GPATCH2L: variants seen among roughly 807,000 people sequenced by gnomAD.
The protein encoded by GPATCH2L is G patch domain-containing protein 2-like.
GPATCH2L carries 31 observed loss-of-function variants against 57.4 expected under a neutral mutation model. The observed-to-expected ratio is 0.54, with a 90% CI of 0.41 to 0.73. GPATCH2L has a LOEUF of 0.73. Ranked by LOEUF, GPATCH2L falls within the 30% of genes least tolerant of loss-of-function variation. The pLI, the probability that GPATCH2L is intolerant of heterozygous loss-of-function variation, is 0.00. For missense variants in GPATCH2L, 481 were observed against 599.9 expected, an observed-to-expected ratio of 0.80 and a Z score of 2.07; for synonymous variants, 199 against 210.7, an observed-to-expected ratio of 0.94 and a Z score of 0.48.
chr14:76,196,406 T>C (rs913543998), intron 9 of GPATCH2L: 2 of 239,942 alleles, frequency 8.3e-6, no homozygotes, highest in African/African-American at 4.5e-5. Context: ...CATTCCTAAT[T>C]AAAAACAATT....
intron 1 of GPATCH2L, among the ~76,000 whole-genome samples, chr14:76,225,642 A>G (rs1380538833): frequency 2.0e-5 from 3 of 152,200 alleles, no homozygotes; most frequent in Non-Finnish European, 2.9e-5. Flanking sequence ...GAAATGTTCT[A>G]TTTATCAAAA....
intron 8 of GPATCH2L, 141 bp from the exon 9 acceptor site, chr14:76,195,737 T>A: frequency 1.5e-6 from 1 of 668,586 alleles, no homozygotes; most frequent in Non-Finnish European, 2.7e-6. Flanking sequence ...TGAATAATGT[T>A]GTCCCAATGC....
At chr14:76,155,381 G>A (rs1482077684) in intron 2 of GPATCH2L, among the ~76,000 whole-genome samples, 1 of 152,174 alleles carries the variant, frequency 6.6e-6, no homozygotes, top group Non-Finnish European at 1.5e-5. Flanking sequence ...AGAGGCTGGT[G>A]TGTGTGTGTG....
At chr14:76,182,412 T>C (rs969841818) in intron 8 of GPATCH2L, among the ~76,000 whole-genome samples, 4 of 122,070 alleles carry the variant, frequency 3.3e-5, no homozygotes, top group African/African-American at 1.0e-4. Flanking sequence ...GAGACCTTGT[T>C]TCTACAAAAT....
chr14:76,173,228 G>A (rs983494859), intron 4 of GPATCH2L, among the ~76,000 whole-genome samples: 3 of 152,028 alleles, frequency 2.0e-5, no homozygotes, highest in Admixed American at 2.0e-4. Context: ...TTATGTTTGT[G>A]TGGTGTTTTC....
At chr14:76,180,732 C>A in intron 7 of GPATCH2L, 32 bp from the exon 8 acceptor site, 7 of 1,401,526 alleles carry the variant, frequency 5.0e-6, no homozygotes, top group Non-Finnish European at 6.1e-6. Flanking sequence ...TTCATGTAAG[C>A]CTTACTAAAA....
rs1321194145 is a variant in GPATCH2L at position 76,179,300 on chromosome 14, G to GAAATAT, written c.1107+1260_1107+1265dup. ...ATGGTATCAAGCCTGTTATTTCACGGAAATATAGTAAGGACAAAGCTGAGC... is the reference window on the plus strand; with the variant it reads ...ATGGTATCAAGCCTGTTATTTCACGGAAATATAAATATAGTAAGGACAAAGCTGAGC... On this transcript the variant is annotated intron_variant, in intron 7 of 9. Coordinates refer to ENST00000261530, the MANE Select transcript of GPATCH2L (RefSeq NM_017926.4). 1.6e-4 allele frequency: 25 copies of GAAATAT among 152,316 alleles called. No homozygotes were observed. The East Asian group carries it at 3.7e-3, about 22-fold the overall frequency. The allele number at this position is 152,316 out of a possible 1,614,324, so 9.4% of individuals were successfully genotyped here. A position where few individuals can be genotyped will look rare whatever the true frequency, so the allele number is the denominator to read the frequency against.
Position 76,225,272 on chromosome 14 carries a change from A to T in GPATCH2L, c.66-4536A>T, listed in dbSNP as rs149029616. On this transcript the variant is annotated intron_variant and NMD_transcript_variant, in intron 1 of 3. Transcript: ENST00000556372. Reference sequence around the variant, plus strand: ...TATTGGTGCAAGAATAAACAAATAAAACAGTGAAACAGAACAGAGTCTAGA... The same window carrying T: ...TATTGGTGCAAGAATAAACAAATAATACAGTGAAACAGAACAGAGTCTAGA... Among the ~76,000 whole-genome samples the T allele has an allele frequency of 3.9e-3, 589 of 152,320 alleles. 2 individuals are homozygous for T. The highest frequency in any genetic ancestry group is 0.014 in the African/African-American group (565 of 41,578).
At chr14:76,187,519 G>A (rs1230523645) in intron 8 of GPATCH2L, among the ~76,000 whole-genome samples, 26 of 152,084 alleles carry the variant, frequency 1.7e-4, no homozygotes, top group Admixed American at 1.4e-3. Context: ...GGTGTTACTT[G>A]TGTTAAAGAA....
Position 76,165,882 on chromosome 14 carries a change from A to AT in GPATCH2L, c.663-776dup, listed in dbSNP as rs964363783. ...ATCTTCTAGAGTAGGTGAAAAAAAA[A>AT]TTTTTGACTCTCTTGGAAGGAAATA... is the stretch of plus-strand genomic sequence containing the variant. On this transcript the variant is annotated intron_variant, in intron 2 of 9. Transcript: ENST00000261530. Among the ~76,000 whole-genome samples the AT allele has an allele frequency of 2.6e-5, 4 of 152,180 alleles. No individual in the cohort carries two copies. In the East Asian group the frequency reaches 7.7e-4, roughly 29 times the overall value.
rs1401467494 is a variant in GPATCH2L at position 76,195,865 on chromosome 14, C to T, written c.1194-13C>T. 3 of 1,599,332 alleles carry T rather than the reference C, an allele frequency of 1.9e-6. No homozygotes were observed. The highest frequency in any genetic ancestry group is 2.2e-5 in the East Asian group (1 of 44,826). ...AAAAGTTCAAACCATTTTTCTTCTTCTTACATCTGCAGACAGGCAAATGTA... is the reference window on the plus strand; with the variant it reads ...AAAAGTTCAAACCATTTTTCTTCTTTTTACATCTGCAGACAGGCAAATGTA... On this transcript the variant is annotated splice_polypyrimidine_tract_variant and intron_variant, in intron 8 of 9. Transcript: ENST00000261530.
At chr14:76,190,559 A>G (rs2039928868) in intron 8 of GPATCH2L, among the ~76,000 whole-genome samples, 1 of 152,126 alleles carries the variant, frequency 6.6e-6, no homozygotes, top group South Asian at 2.1e-4. Context: ...ATCAGATGAA[A>G]CAGAACAGGC....
chr14:76,201,892 T>G lies in GPATCH2L; in HGVS notation c.*41T>G. ...CCTCCAGGAGCTGACTGGGTGTTGC[T>G]GAAGCAAATGTTGGACTTTGTGTTA... On this transcript the variant is annotated 3_prime_UTR_variant, in exon 10 of 10. Coordinates refer to ENST00000261530, the MANE Select transcript of GPATCH2L (RefSeq NM_017926.4). The G allele has an allele frequency of 6.4e-7, 1 of 1,566,544 alleles. No individual in the cohort carries two copies. Among genetic ancestry groups the G allele is most frequent in the Non-Finnish European group, 8.7e-7 (1 of 1,146,494 alleles).
At position 76,203,773 on chromosome 14, in the gene GPATCH2L, T is replaced by G. The variant is rs545217095; in HGVS notation, c.*1922T>G. ...TTCTAGTGATGAGGTTAGATTTTGT[T>G]GTCATGTGCATTGTCACCATAGTGA... On this transcript the variant is annotated 3_prime_UTR_variant, in exon 10 of 10. Transcript: ENST00000261530. 1.3e-4 allele frequency: 20 copies of G among 152,368 alleles called. No homozygotes were observed. Among genetic ancestry groups the G allele is most frequent in the African/African-American group, 4.8e-4 (20 of 41,596 alleles). The allele number at this position is 152,368 out of a possible 1,614,324, so 9.4% of individuals were successfully genotyped here. A position where few individuals can be genotyped will look rare whatever the true frequency, so the allele number is the denominator to read the frequency against.
At chr14:76,220,902 A>G (rs1244225798) in intron 1 of GPATCH2L, among the ~76,000 whole-genome samples, 2 of 152,178 alleles carry the variant, frequency 1.3e-5, no homozygotes. Context: ...CAATTTTTAA[A>G]TGACATCAAA....
intron 8 of GPATCH2L, among the ~76,000 whole-genome samples, chr14:76,185,184 T>C (rs1451760779): frequency 6.6e-6 from 1 of 152,180 alleles, no homozygotes; most frequent in Non-Finnish European, 1.5e-5. Flanking sequence ...TGGCTGGGTG[T>C]GTAGATGAAA....
rs1289467627 is a variant in GPATCH2L at position 76,204,463 on chromosome 14, C to T, written c.*2612C>T. 6.6e-6 allele frequency: 1 copy of T among 152,170 alleles called. No individual in the cohort carries two copies. The highest frequency in any genetic ancestry group is 6.5e-5 in the Admixed American group (1 of 15,274). 9.4% of individuals were successfully genotyped at this position (152,170 alleles called of 1,614,324 possible). A position where few individuals can be genotyped will look rare whatever the true frequency, so the allele number is the denominator to read the frequency against. On this transcript the variant is annotated 3_prime_UTR_variant, in exon 10 of 10. Coordinates refer to ENST00000261530, the MANE Select transcript of GPATCH2L (RefSeq NM_017926.4). ...CGTGCATGTTTAAGGAATTATTAAT[C>T]AGTGTATTCTGCTTGCTTTCTGTAT...
At chr14:76,192,421 G>A (rs2040009487) in intron 8 of GPATCH2L, among the ~76,000 whole-genome samples, 2 of 152,116 alleles carry the variant, frequency 1.3e-5, no homozygotes, top group Admixed American at 1.3e-4. Flanking sequence ...GCGAAGATAT[G>A]ATGTTATTCT....
At chr14:76,165,413 A>T (rs2038785672) in intron 2 of GPATCH2L, among the ~76,000 whole-genome samples, 1 of 150,644 alleles carries the variant, frequency 6.6e-6, no homozygotes. Context: ...AATTGCTTGA[A>T]CCTGGGTGGT....
Sources: allele counts gnomAD v4.1 joint callset (sites outside exome capture counted in the v4.1 genomes callset), GRCh38; gene constraint gnomAD v4.1.1; transcripts MANE v1.5; gene names NCBI Gene and HGNC (gene_info 2026-07-23, HGNC 2026-07-21).